LRRC4C: variants seen among roughly 807,000 people sequenced by gnomAD.
The protein encoded by LRRC4C is leucine rich repeat containing 4C.
LRRC4C carries 5 observed loss-of-function variants against 33.6 expected under a neutral mutation model. The observed-to-expected ratio is 0.15, with a 90% CI of 0.08 to 0.31. LRRC4C has a LOEUF of 0.31. LRRC4C is among the 10% of genes least tolerant of loss of function. The pLI is 1.00. For synonymous variants in LRRC4C, 329 were observed against 302.0 expected (o/e 1.09, Z -0.93); for missense variants, 560 against 796.7 (o/e 0.70, Z 3.58).
At chr11:40,281,093 T>A (rs1034785869) in intron 4 of LRRC4C, among the ~76,000 whole-genome samples, 11 of 152,264 alleles carry the variant, frequency 7.2e-5, no homozygotes, top group African/African-American at 2.2e-4. Context: ...GAAAGGCTGC[T>A]TGCTGCTTTG....
intron 2 of LRRC4C, among the ~76,000 whole-genome samples, chr11:40,692,281 C>T (rs1945252373): frequency 1.3e-5 from 2 of 151,812 alleles, no homozygotes; most frequent in African/African-American, 4.8e-5. Flanking sequence ...TGTTCAATAT[C>T]CAAGCAGGGG....
intron 1 of LRRC4C, among the ~76,000 whole-genome samples, chr11:41,442,378 T>C (rs1257775197): frequency 6.6e-6 from 1 of 150,820 alleles, no homozygotes; most frequent in African/African-American, 2.4e-5. Context: ...TATGAAAAAA[T>C]AATGGCAAAT....
intron 2 of LRRC4C, among the ~76,000 whole-genome samples, chr11:40,741,476 C>A (rs1030765516): frequency 6.6e-6 from 1 of 152,020 alleles, no homozygotes; most frequent in African/African-American, 2.4e-5. Flanking sequence ...AAGACCTTAG[C>A]ATAAATCCAA....
intron 1 of LRRC4C, among the ~76,000 whole-genome samples, chr11:41,329,632 C>A (rs1021158975): frequency 1.3e-5 from 2 of 152,174 alleles, no homozygotes; most frequent in African/African-American, 4.8e-5. Context: ...TTACTCCTTG[C>A]GATTTCTTTT....
chr11:40,230,179 G>A (rs1865100591), intron 5 of LRRC4C, among the ~76,000 whole-genome samples: 1 of 152,164 alleles, frequency 6.6e-6, no homozygotes, highest in African/African-American at 2.4e-5. Context: ...TATGTATGAG[G>A]TTGTTTTTGA....
chr11:41,429,977 G>A (rs1955180151), intron 1 of LRRC4C, among the ~76,000 whole-genome samples: 1 of 152,106 alleles, frequency 6.6e-6, no homozygotes, highest in African/African-American at 2.4e-5. Flanking sequence ...AATCATGCCA[G>A]TTAAAGAAAC....
At chr11:40,565,796 A>C (rs1274589224) in intron 3 of LRRC4C, among the ~76,000 whole-genome samples, 1 of 152,126 alleles carries the variant, frequency 6.6e-6, no homozygotes, top group Non-Finnish European at 1.5e-5. Context: ...AAGTCTCATA[A>C]AATTCTGGCT....
At chr11:40,422,953 AAT>A (rs1411493472) in intron 3 of LRRC4C, among the ~76,000 whole-genome samples, 5 of 151,682 alleles carry the variant, frequency 3.3e-5, no homozygotes, top group Non-Finnish European at 7.3e-5. Context: ...AAATTAAATA[AAT>A]AGTGTTAAAA....
chr11:41,392,507 C>T (rs1030017956), intron 1 of LRRC4C, among the ~76,000 whole-genome samples: 2 of 151,328 alleles, frequency 1.3e-5, no homozygotes, highest in Non-Finnish European at 2.9e-5. Flanking sequence ...AGGATTTGTA[C>T]TGGGTTGAAT....
chr11:40,940,268 A>G (rs1958084130), intron 1 of LRRC4C, among the ~76,000 whole-genome samples: 1 of 152,152 alleles, frequency 6.6e-6, no homozygotes, highest in African/African-American at 2.4e-5. Flanking sequence ...GAAAAAGCCT[A>G]GGCACGTAGT....
intron 3 of LRRC4C, among the ~76,000 whole-genome samples, chr11:40,326,552 G>GAAAAAAA (rs67048103): frequency 7.1e-6 from 1 of 141,618 alleles, no homozygotes; most frequent in Non-Finnish European, 1.5e-5. Context: ...CTTCTCAAAA[G>GAAAAAAA]AAAAAAAAAA....
At chr11:40,850,082 T>C (rs112496652) in intron 2 of LRRC4C, among the ~76,000 whole-genome samples, 18,726 of 151,886 alleles carry the variant, frequency 0.12, 1,246 homozygotes, top group African/African-American at 0.16. Context: ...AACATGCTCC[T>C]TTAGCTCAGA....
At chr11:40,146,161 G>A (rs1228206905) in intron 5 of LRRC4C, among the ~76,000 whole-genome samples, 1 of 152,170 alleles carries the variant, frequency 6.6e-6, no homozygotes, top group East Asian at 1.9e-4. Context: ...CTTCATGAGT[G>A]TAGTGATGAA....
chr11:40,739,007 T>TTG (rs72411974), intron 2 of LRRC4C, among the ~76,000 whole-genome samples: 17,759 of 148,878 alleles, frequency 0.12, 1,406 homozygotes, highest in East Asian at 0.41. Flanking sequence ...ATAATTGCTA[T>TTG]TGTGTGTGTG....
chr11:40,728,800 C>T (rs1947418190), intron 2 of LRRC4C, among the ~76,000 whole-genome samples: 1 of 151,986 alleles, frequency 6.6e-6, no homozygotes, highest in South Asian at 2.1e-4. Context: ...AATACATAGC[C>T]ATAAAAATGA....
intron 3 of LRRC4C, among the ~76,000 whole-genome samples, chr11:40,344,754 C>T (rs1481181565): frequency 6.6e-6 from 1 of 152,074 alleles, no homozygotes; most frequent in Admixed American, 6.5e-5. Context: ...CTTACAAATC[C>T]CCATAGTCTG....
At chr11:40,901,209 C>T (rs1219733995) in intron 2 of LRRC4C, among the ~76,000 whole-genome samples, 3 of 152,034 alleles carry the variant, frequency 2.0e-5, no homozygotes, top group African/African-American at 7.2e-5. Flanking sequence ...TACACAAATG[C>T]ACTCCTGGTA....
chr11:41,453,563 G>A (rs1564962844), intron 1 of LRRC4C, among the ~76,000 whole-genome samples: 1 of 152,056 alleles, frequency 6.6e-6, no homozygotes, highest in African/African-American at 2.4e-5. Context: ...GAACAGACAT[G>A]GGCTTTGGAG....
At chr11:40,666,621 A>G (rs1163980043) in intron 2 of LRRC4C, among the ~76,000 whole-genome samples, 1 of 152,180 alleles carries the variant, frequency 6.6e-6, no homozygotes, top group African/African-American at 2.4e-5. Context: ...TGCTAATAGT[A>G]TCTTATATCA....
Sources: allele counts gnomAD v4.1 joint callset (sites outside exome capture counted in the v4.1 genomes callset), GRCh38; gene constraint gnomAD v4.1.1; transcripts MANE v1.5; gene names NCBI Gene and HGNC (gene_info 2026-07-23, HGNC 2026-07-21).